The following SLC41A3 variants were observed in gnomAD, a reference collection of about 807,000 sequenced individuals.
SLC41A3 encodes the protein SLC41A1-like 2.
SLC41A3 carries 44 observed loss-of-function variants against 45.4 expected under a neutral mutation model. That is an observed-to-expected ratio of 0.97 (90% CI 0.76 to 1.25). SLC41A3 has a LOEUF of 1.25. SLC41A3 is among the 50% of genes most tolerant of loss of function. The probability of loss-of-function intolerance (pLI) is 0.00; values close to 1 mark genes in which losing one functional copy is unlikely to be tolerated. For missense variants in SLC41A3, 550 were observed against 600.6 expected (o/e 0.92, Z 0.88); for synonymous variants, 256 against 252.4 (o/e 1.01, Z -0.13).
intron 1 of SLC41A3, among the ~76,000 whole-genome samples, chr3:126,094,049 A>G (rs963223388): frequency 6.6e-6 from 1 of 152,228 alleles, no homozygotes; most frequent in African/African-American, 2.4e-5. Flanking sequence ...ACAACCTGGG[A>G]CCATTCAACC....
At chr3:126,097,449 C>A (rs936823079) in intron 1 of SLC41A3, among the ~76,000 whole-genome samples, 1 of 152,184 alleles carries the variant, frequency 6.6e-6, no homozygotes, top group Non-Finnish European at 1.5e-5. Context: ...TGCCGAACCA[C>A]CACCCAACAT....
At chr3:126,093,782 GGAAACACAAATAAA>G (rs1237360424) in intron 1 of SLC41A3, among the ~76,000 whole-genome samples, 1 of 152,046 alleles carries the variant, frequency 6.6e-6, no homozygotes, top group Non-Finnish European at 1.5e-5. Context: ...AGGAGGATTT[GGAAACACAAATAAA>G]GAAGGCAAAG....
chr3:126,021,297 C>A (rs1355347824), intron 6 of SLC41A3, among the ~76,000 whole-genome samples: 1 of 152,202 alleles, frequency 6.6e-6, no homozygotes, highest in Non-Finnish European at 1.5e-5. Flanking sequence ...AGTGGCCCTG[C>A]CAGCACTTGG....
In SLC41A3 at chr3:126,022,925, C is replaced by G; in HGVS notation, c.606G>C (p.Leu202=). 1.9e-6 allele frequency: 3 copies of G among 1,614,166 alleles called. No individual in the cohort carries two copies. The highest frequency in any genetic ancestry group is 1.3e-5 in the African/African-American group (1 of 75,066). ...GAGCACCAATCACTATACAGACCAT[C>G]AGCACCCCTGCAGAGAGAGAGAGGA... ...AFLAAFALGV[L]MVCIVIGARK... The change falls in exon 6 of 11, where the codon CTG becomes CTC. Residue 202 remains leucine, a synonymous_variant. Coordinates refer to ENST00000360370, the MANE Select transcript of SLC41A3 (RefSeq NM_017836.4).
At chr3:126,058,230 T>G (rs1490766403) in intron 2 of SLC41A3, 1 of 152,256 alleles carries the variant, frequency 6.6e-6, no homozygotes, top group Non-Finnish European at 1.5e-5. Context: ...TTAAACAAAC[T>G]GCTAAGCTTG....
chr3:126,006,692 C>T lies in SLC41A3; in HGVS notation c.*324G>A, dbSNP rs1259754718. ...AAAAGAGCAAACACACCCTGCAAAG[C>T]ATACTGGACATGCCTCTTCTTTACC... On this transcript the variant is annotated 3_prime_UTR_variant, in exon 11 of 11. Transcript: ENST00000360370. 116 of 1,463,296 alleles carry T rather than the reference C, an allele frequency of 7.9e-5. No homozygotes were observed. Among genetic ancestry groups the T allele is most frequent in the Non-Finnish European group, 9.5e-5 (105 of 1,110,046 alleles). The allele number at this position is 1,463,296 out of a possible 1,614,324, so 90.6% of individuals were successfully genotyped here.
intron 1 of SLC41A3, among the ~76,000 whole-genome samples, chr3:126,091,750 C>T (rs925238199): frequency 1.4e-4 from 22 of 152,174 alleles, no homozygotes; most frequent in African/African-American, 4.8e-4. Context: ...CTAGAGACAG[C>T]TTTGCAGGGC....
intron 1 of SLC41A3, among the ~76,000 whole-genome samples, chr3:126,098,648 G>A (rs1210635003): frequency 2.0e-5 from 3 of 152,224 alleles, no homozygotes; most frequent in African/African-American, 7.2e-5. Flanking sequence ...CTTGACATGG[G>A]CATCCAGGCA....
In SLC41A3 at chr3:126,026,516, C is replaced by T. The variant is rs757371107; in HGVS notation, c.454-37G>A. The T allele has an allele frequency of 4.3e-5, 68 of 1,586,726 alleles. No individual in the cohort carries two copies. Among genetic ancestry groups the T allele is most frequent in the South Asian group, 2.4e-4 (21 of 87,128 alleles). On this transcript the variant is annotated intron_variant, in intron 4 of 10. Coordinates refer to ENST00000360370, the MANE Select transcript of SLC41A3 (RefSeq NM_017836.4). The surrounding 1 kb of genome is among the most constrained non-coding windows in gnomAD (Gnocchi z 4.2). Reference sequence around the variant, plus strand: ...AAATCAGAAGCATGAAGGGGGGCCCCGGGGCCACAGCCACACTCCCTGCCC... The same window carrying T: ...AAATCAGAAGCATGAAGGGGGGCCCTGGGGCCACAGCCACACTCCCTGCCC...
At chr3:126,021,140 C>A (rs973899151) in intron 6 of SLC41A3, among the ~76,000 whole-genome samples, 6 of 152,126 alleles carry the variant, frequency 3.9e-5, no homozygotes, top group Non-Finnish European at 7.4e-5. Context: ...GTGATCCGCC[C>A]GCCTTGGCCT....
chr3:126,008,718 G>A lies in SLC41A3; in HGVS notation c.1254+14C>T. On this transcript the variant is annotated intron_variant, in intron 10 of 10. Transcript: ENST00000360370. Reference sequence around the variant, plus strand: ...ACACAGCTGCGCACCTCTAATTGCTGCAGCCAGGCTTACCTGGATCAGGCC... The same window carrying A: ...ACACAGCTGCGCACCTCTAATTGCTACAGCCAGGCTTACCTGGATCAGGCC... The A allele has an allele frequency of 6.2e-7, 1 of 1,612,856 alleles. No homozygotes were observed. The highest frequency in any genetic ancestry group is 8.5e-7 in the Non-Finnish European group (1 of 1,179,018).
intron 3 of SLC41A3, among the ~76,000 whole-genome samples, chr3:126,034,644 G>C (rs1183362524): frequency 6.6e-6 from 1 of 152,218 alleles, no homozygotes; most frequent in Non-Finnish European, 1.5e-5. Flanking sequence ...AGACTCAGTG[G>C]AACCCAGGGC....
At chr3:126,047,638 T>C (rs753012239) in intron 3 of SLC41A3, among the ~76,000 whole-genome samples, 2 of 152,062 alleles carry the variant, frequency 1.3e-5, no homozygotes, top group Non-Finnish European at 2.9e-5. Context: ...GGACATTCAA[T>C]GGGAAAAGGA....
intron 9 of SLC41A3, 131 bp downstream of exon 9, chr3:126,012,484 T>C: frequency 8.2e-7 from 1 of 1,220,470 alleles, no homozygotes; most frequent in East Asian, 2.3e-5. Flanking sequence ...TCTGGGGCCC[T>C]GAAGGTGATG....
At chr3:126,100,098 A>C (rs1488895216) in intron 1 of SLC41A3, among the ~76,000 whole-genome samples, 1 of 152,112 alleles carries the variant, frequency 6.6e-6, no homozygotes, top group Non-Finnish European at 1.5e-5. Context: ...ACAAAGAGGA[A>C]CTGTTGATTT....
At chr3:126,072,905 T>C (rs1944693605) in intron 1 of SLC41A3, among the ~76,000 whole-genome samples, 1 of 152,150 alleles carries the variant, frequency 6.6e-6, no homozygotes, top group South Asian at 2.1e-4. Context: ...AAAGAATATG[T>C]AGTACATATG....
At chr3:126,020,719 T>C (rs1202548624) in intron 6 of SLC41A3, among the ~76,000 whole-genome samples, 1 of 152,110 alleles carries the variant, frequency 6.6e-6, no homozygotes, top group Non-Finnish European at 1.5e-5. Context: ...GTAAGAAGCA[T>C]TTTATAATCT....
At chr3:126,024,364 T>C (rs571547979) in intron 5 of SLC41A3, 2 of 152,426 alleles carry the variant, frequency 1.3e-5, no homozygotes, top group South Asian at 2.1e-4. Context: ...GAGGGTCTCC[T>C]GGACTGTTCT....
At chr3:126,099,083 A>G (rs1945661084) in intron 1 of SLC41A3, among the ~76,000 whole-genome samples, 1 of 151,858 alleles carries the variant, frequency 6.6e-6, no homozygotes, top group Non-Finnish European at 1.5e-5. Flanking sequence ...TATGTTAAGT[A>G]TGTTTTCTCA....
Sources: allele counts gnomAD v4.1 joint callset (sites outside exome capture counted in the v4.1 genomes callset), GRCh38; gene constraint gnomAD v4.1.1; non-coding constraint Gnocchi (gnomAD v3.1); transcripts MANE v1.5; gene names NCBI Gene and HGNC (gene_info 2026-07-23, HGNC 2026-07-21).